The following APC variants were observed in gnomAD, a reference collection of about 807,000 sequenced individuals.
APC encodes the protein APC regulator of Wnt signaling pathway.
In APC, 72 loss-of-function variants were observed where a neutral mutation model predicts 247.0. The observed-to-expected ratio is 0.29, with a 90% CI of 0.24 to 0.35. The LOEUF is 0.35. Among genes scored for constraint, APC ranks in the 10% least tolerant of loss-of-function variants. The pLI, the probability that APC is intolerant of heterozygous loss-of-function variation, is 1.00. For missense variants in APC, 3,400 were observed against 3,360.7 expected, an observed-to-expected ratio of 1.01 and a Z score of -0.29; for synonymous variants, 1,254 against 1,162.5, an observed-to-expected ratio of 1.08 and a Z score of -1.60.
chr5:112,782,532 A>C (rs1758461511), intron 6 of APC, among the ~76,000 whole-genome samples: 1 of 152,188 alleles, frequency 6.6e-6, no homozygotes, highest in Admixed American at 6.5e-5. Context: ...TTGGGGGCTT[A>C]ACTAGTGTTT....
At chr5:112,776,616 T>C (rs950750935) in intron 5 of APC, among the ~76,000 whole-genome samples, 1 of 152,140 alleles carries the variant, frequency 6.6e-6, no homozygotes, top group Non-Finnish European at 1.5e-5. Flanking sequence ...GAAAGGTGGA[T>C]CACTTAAGGC....
chr5:112,757,230 A>G (rs1286498693), intron 2 of APC, among the ~76,000 whole-genome samples: 2 of 152,152 alleles, frequency 1.3e-5, no homozygotes, highest in South Asian at 2.1e-4. Context: ...TTAAGGTTTT[A>G]TGCTGTGAAA....
Position 112,754,985 on chromosome 5 carries a change from A to G in APC, c.95A>G (p.Asn32Ser), listed in dbSNP as rs539108537. ...NLRQELEDNS[N>S]HLTKLETEAS... ...CGACAAGAGCTAGAAGATAATTCCA[A>G]TCATCTTACAAAACTGGAAACTGAG... Residue 32 changes from asparagine (N) to serine (S), a missense_variant, in exon 2 of 16, where the codon AAT becomes AGT. Transcript: ENST00000257430. 66 of 1,613,816 alleles carry G rather than the reference A, an allele frequency of 4.1e-5. No homozygotes were observed. In the Middle Eastern group the frequency reaches 6.6e-4, roughly 16 times the overall value.
intron 2 of APC, among the ~76,000 whole-genome samples, chr5:112,761,479 A>G (rs1561454569): frequency 1.3e-5 from 2 of 152,244 alleles, no homozygotes; most frequent in Non-Finnish European, 2.9e-5. Context: ...TGAAAAATAT[A>G]TTTGAAATTA....
intron 1 of APC, among the ~76,000 whole-genome samples, chr5:112,718,832 G>A (rs917471232): frequency 2.6e-5 from 4 of 152,196 alleles, no homozygotes; most frequent in Admixed American, 6.5e-5. Context: ...AACTTGTTCA[G>A]AAAGACTGGA....
At chr5:112,733,302 A>G (rs1470011513), upstream of APC, among the ~76,000 whole-genome samples, 1 of 152,244 alleles carries the variant, frequency 6.6e-6, no homozygotes, top group Non-Finnish European at 1.5e-5. Flanking sequence ...GTTATGTGAC[A>G]AAAGGGAATT....
At chr5:112,788,987 G>A (rs1347767783) in intron 6 of APC, among the ~76,000 whole-genome samples, 1 of 151,880 alleles carries the variant, frequency 6.6e-6, no homozygotes, top group Non-Finnish European at 1.5e-5. Context: ...TTCTTGTCTT[G>A]ACTTTAAAGG....
At chr5:112,765,565 T>A (rs1756197041) in intron 2 of APC, among the ~76,000 whole-genome samples, 1 of 152,240 alleles carries the variant, frequency 6.6e-6, no homozygotes, top group Non-Finnish European at 1.5e-5. Context: ...AAATATTTTG[T>A]CTTGCATTCA....
intron 1 of APC, chr5:112,738,387 CA>C (rs1752577256): frequency 3.0e-6 from 3 of 985,528 alleles, no homozygotes; most frequent in Admixed American, 6.2e-5. Flanking sequence ...AGAGAGGAGA[CA>C]AAACCGCTGC....
chr5:112,786,661 C>G (rs1470189337), intron 6 of APC, among the ~76,000 whole-genome samples: 1 of 152,016 alleles, frequency 6.6e-6, no homozygotes, highest in African/African-American at 2.4e-5. Context: ...TAAGTTGATT[C>G]TAATTTTTCA....
intron 1 of APC, among the ~76,000 whole-genome samples, chr5:112,729,197 C>T (rs891264606): frequency 6.6e-6 from 1 of 152,118 alleles, no homozygotes; most frequent in Non-Finnish European, 1.5e-5. Flanking sequence ...GTTATAGATG[C>T]GAGGGAAAGA....
At chr5:112,708,615 C>A (rs1750670614) in intron 1 of APC, among the ~76,000 whole-genome samples, 1 of 152,142 alleles carries the variant, frequency 6.6e-6, no homozygotes, top group African/African-American at 2.4e-5. Flanking sequence ...ATGGTACAAG[C>A]AAGGATAAGT....
At chr5:112,754,762 C>T in intron 1 of APC, 111 bp from the exon 2 acceptor site, 2 of 1,016,448 alleles carry the variant, frequency 2.0e-6, no homozygotes, top group Non-Finnish European at 3.0e-6. Flanking sequence ...CATATTAACA[C>T]AATTCTTCTT....
chr5:112,810,162 G>A (rs1416420417), intron 8 of APC: 1 of 455,926 alleles, frequency 2.2e-6, no homozygotes, highest in Non-Finnish European at 4.4e-6. Flanking sequence ...CTGATGGGAA[G>A]GAGCCAGTAG....
rs1232885514 is a variant in APC, at chr5:112,767,239, A to T, written c.271A>T (p.Met91Leu). 6.2e-7 allele frequency: 1 copy of T among 1,614,190 alleles called. No individual in the cohort carries two copies. Among genetic ancestry groups the T allele is most frequent in the Admixed American group, 1.7e-5 (1 of 60,022 alleles). ...CCCTGGAGTAAAACTGCGGTCAAAA[A>T]TGTCCCTCCGTTCTTATGGAAGCCG... is the stretch of plus-strand genomic sequence containing the variant. ...NFPGVKLRSK[M>L]SLRSYGSREG... Residue 91 changes from methionine (M) to leucine (L), a missense_variant, in exon 4 of 16, where the codon ATG (methionine) becomes TTG (leucine). By Grantham distance (15) the Met-to-Leu change is conservative. Transcript: ENST00000257430.
intron 6 of APC, among the ~76,000 whole-genome samples, chr5:112,790,729 A>G (rs1406304413): frequency 2.0e-5 from 3 of 152,198 alleles, no homozygotes; most frequent in Non-Finnish European, 4.4e-5. Flanking sequence ...AAGGCATTGT[A>G]TTTAAGTAAA....
intron 12 of APC, 45 bp downstream of exon 12, chr5:112,827,292 G>T: frequency 6.2e-7 from 1 of 1,600,822 alleles, no homozygotes; most frequent in Non-Finnish European, 8.6e-7. Context: ...TCAGGTATGA[G>T]TTAATTTACT....
chr5:112,767,475 ATAG>A, intron 4 of APC, 85 bp downstream of exon 4: 1 of 1,074,826 alleles, frequency 9.3e-7, no homozygotes, highest in South Asian at 1.4e-5. Flanking sequence ...TTGTGAATTT[ATAG>A]TAGGTGATAG....
chr5:112,835,572 A>ATTTTT, intron 15 of APC, among the ~76,000 whole-genome samples: 1 of 132,968 alleles, frequency 7.5e-6, no homozygotes, highest in African/African-American at 2.8e-5. Flanking sequence ...CATAATAATA[A>ATTTTT]TTTTTTTTTT....
Sources: gnomAD v4.1 joint callset for allele counts (sites outside exome capture counted in the v4.1 genomes callset) on GRCh38, gnomAD v4.1.1 for gene constraint, MANE v1.5 for transcripts, NCBI Gene and HGNC (gene_info 2026-07-23, HGNC 2026-07-21) for gene names.